DNAH17: variants seen among roughly 807,000 people sequenced by gnomAD.
The protein encoded by DNAH17 is axonemal beta dynein heavy chain 17.
In DNAH17, 376 loss-of-function variants were observed where a neutral mutation model predicts 485.6. That is an observed-to-expected ratio of 0.77 (90% CI 0.71 to 0.84). The LOEUF (loss-of-function observed/expected upper bound fraction) is 0.84, where lower values mean the gene tolerates loss of function less well. DNAH17 is among the 40% of genes least tolerant of loss of function. The pLI is 0.00. For missense variants in DNAH17, 6,370 were observed against 5,839.3 expected, an observed-to-expected ratio of 1.09 and a Z score of -2.96; for synonymous variants, 3,031 against 2,405.9, an observed-to-expected ratio of 1.26 and a Z score of -7.60.
intron 31 of DNAH17, among the ~76,000 whole-genome samples, chr17:78,503,640 C>T (rs1018895059): frequency 6.6e-6 from 1 of 151,984 alleles, no homozygotes; most frequent in Non-Finnish European, 1.5e-5. Flanking sequence ...GTGTGCACCA[C>T]CACACCCGGC....
intron 41 of DNAH17, 25 bp from the exon 42 acceptor site, chr17:78,492,790 G>T: frequency 6.2e-7 from 1 of 1,603,514 alleles, no homozygotes; most frequent in Non-Finnish European, 8.5e-7. Context: ...GGTCACTCAC[G>T]TGTGACTCCA....
intron 60 of DNAH17, 103 bp from the exon 61 acceptor site, chr17:78,459,311 G>C: frequency 1.8e-6 from 2 of 1,091,338 alleles, no homozygotes; most frequent in Non-Finnish European, 1.4e-6. Flanking sequence ...AGCTCTGGAG[G>C]GGCAGCGCTG....
intron 54 of DNAH17, among the ~76,000 whole-genome samples, chr17:78,469,220 C>G (rs970408089): frequency 6.6e-6 from 1 of 152,198 alleles, no homozygotes; most frequent in African/African-American, 2.4e-5. Flanking sequence ...CGGCTCACTG[C>G]AAGCTCCACC....
At chr17:78,527,090 A>G in intron 22 of DNAH17, 94 bp from the exon 23 acceptor site, 1 of 1,138,908 alleles carries the variant, frequency 8.8e-7, no homozygotes, top group Non-Finnish European at 1.2e-6. Flanking sequence ...GAAGCTGCAA[A>G]AACAGTGCAG....
At chr17:78,478,259 TTATCATCTC>T (rs2089175209) in intron 51 of DNAH17, among the ~76,000 whole-genome samples, 2 of 109,794 alleles carry the variant, frequency 1.8e-5, no homozygotes, top group African/African-American at 3.6e-5. Flanking sequence ...ACCATCACCA[TTATCATCTC>T]CACCACCATC....
Position 78,425,507 on chromosome 17 carries a change from T to C in DNAH17, c.12980A>G (p.Asn4327Ser). 1 of 1,613,738 alleles carries C rather than the reference T, an allele frequency of 6.2e-7. No homozygotes were observed. The highest frequency in any genetic ancestry group is 8.5e-7 in the Non-Finnish European group (1 of 1,179,882). ...GATGGCCGTGAGGAACGACTGGGGG[T>C]TGAAGAAGCCGGCCAGCCACACGGT... ...PTTVWLAGFF[N>S]PQSFLTAIMQ... The change falls in exon 80 of 81, where the codon AAC becomes AGC. Residue 4327 changes from asparagine to serine, a missense_variant. By Grantham distance (46) the Asn-to-Ser change is conservative. Transcript: ENST00000389840.
At chr17:78,531,135 A>G (rs550997829) in intron 20 of DNAH17, among the ~76,000 whole-genome samples, 1 of 152,136 alleles carries the variant, frequency 6.6e-6, no homozygotes, top group Non-Finnish European at 1.5e-5. Context: ...TGACGCTGAG[A>G]GCAGGGTGTT....
rs551681617 is a variant in DNAH17, at chr17:78,488,155, C to T, written c.6819-1649G>A. On this transcript the variant is annotated intron_variant, in intron 44 of 80. Transcript: ENST00000389840. Reference sequence around the variant, plus strand: ...TTGGTAGGAGTCACTGAGTGCGGGTCGGTGTGTGTGCTGTCTCTGATATGC... The same window carrying T: ...TTGGTAGGAGTCACTGAGTGCGGGTTGGTGTGTGTGCTGTCTCTGATATGC... 3.9e-5 allele frequency among the ~76,000 whole-genome samples: 6 copies of T among 152,256 alleles called. No homozygotes were observed. In the South Asian group the frequency reaches 8.3e-4, roughly 21 times the overall value.
chr17:78,510,346 T>C (rs1414604459), intron 27 of DNAH17, 38 bp downstream of exon 27: 1 of 1,603,992 alleles, frequency 6.2e-7, no homozygotes, highest in Admixed American at 1.7e-5. Flanking sequence ...TTCAGGCTGA[T>C]CCCACGTTGC....
At position 78,450,302 on chromosome 17, in the gene DNAH17, T is replaced by A; in HGVS notation, c.10992A>T (p.Ile3664=). The A allele has an allele frequency of 6.2e-7, 1 of 1,613,994 alleles. No individual in the cohort carries two copies. Among genetic ancestry groups the A allele is most frequent in the African/African-American group, 1.3e-5 (1 of 75,066 alleles). The change falls in exon 68 of 81, where the codon ATA becomes ATT. Residue 3664 remains isoleucine (I), a synonymous_variant. Coordinates refer to ENST00000389840, the MANE Select transcript of DNAH17 (RefSeq NM_173628.4). ...GGTTGATTTTGTTGAGATCGTTCAG[T>A]ATGAAGTAGAGCAGAGATGCCCTCT... ...AAERASLLYF[I]LNDLNKINPV...
intron 58 of DNAH17, among the ~76,000 whole-genome samples, chr17:78,461,226 T>C (rs1310445543): frequency 2.0e-5 from 3 of 152,058 alleles, no homozygotes; most frequent in Admixed American, 6.5e-5. Context: ...GCAGGCCCCA[T>C]TGAGCAGAGC....
chr17:78,424,325 T>C (rs2086301497), intron 80 of DNAH17, 172 bp from the exon 81 acceptor site: 18 of 760,556 alleles, frequency 2.4e-5, no homozygotes, highest in Non-Finnish European at 3.5e-5. Flanking sequence ...GGTGATGGCC[T>C]GCATGTTGTA....
chr17:78,492,161 C>A (rs1295338145), intron 42 of DNAH17, among the ~76,000 whole-genome samples: 4 of 152,148 alleles, frequency 2.6e-5, no homozygotes, highest in Non-Finnish European at 5.9e-5. Flanking sequence ...GCTGACTCCT[C>A]CTCAGCTCTC....
intron 12 of DNAH17, 46 bp from the exon 13 acceptor site, chr17:78,560,981 G>A: frequency 6.6e-7 from 1 of 1,513,866 alleles, no homozygotes; most frequent in South Asian, 1.2e-5. Context: ...TATCTCCTGT[G>A]GGGTGTCTTC....
intron 25 of DNAH17, among the ~76,000 whole-genome samples, chr17:78,520,105 CTGTT>C (rs2090897202): frequency 8.6e-6 from 1 of 115,986 alleles, no homozygotes; most frequent in African/African-American, 3.2e-5. Flanking sequence ...GAACGAAACT[CTGTT>C]TCAAGAAAAA....
In DNAH17 at chr17:78,425,564, T is replaced by A. The variant is rs373946815; in HGVS notation, c.12923A>T (p.Glu4308Val). 1.9e-6 allele frequency: 3 copies of A among 1,607,994 alleles called. No individual in the cohort carries two copies. The highest frequency in any genetic ancestry group is 2.5e-6 in the Non-Finnish European group (3 of 1,177,228). Residue 4308 changes from glutamate (E) to valine (V), a missense_variant, in exon 80 of 81, where the codon GAG becomes GTG. Glu to Val is a moderately radical substitution (Grantham distance 121, BLOSUM62 -2). Coordinates refer to ENST00000389840, the MANE Select transcript of DNAH17 (RefSeq NM_173628.4). ...CAGGGCAAAGTCTGTCGTCCAGGCC[T>A]CGAGTTCCTGCAAGGACACACGAGC... ...ADLLLRIREL[E>V]AWTTDFALPT...
At chr17:78,457,294 C>T (rs1006688969) in intron 62 of DNAH17, among the ~76,000 whole-genome samples, 2 of 151,934 alleles carry the variant, frequency 1.3e-5, no homozygotes, top group Admixed American at 6.6e-5. Context: ...CTACTTGAAC[C>T]CGGGAGATGG....
chr17:78,460,328 G>GTGTGTGCATGTGTGTGCA (rs1555659309), intron 58 of DNAH17, 71 bp from the exon 59 acceptor site: 7 of 788,916 alleles, frequency 8.9e-6, no homozygotes, highest in African/African-American at 4.2e-5. Flanking sequence ...GTACGTGCAT[G>GTGTGTGCATGTGTGTGCA]TGTGTGCATG....
chr17:78,481,755 C>T (rs1411553916), intron 48 of DNAH17, among the ~76,000 whole-genome samples: 1 of 152,190 alleles, frequency 6.6e-6, no homozygotes, highest in Non-Finnish European at 1.5e-5. Context: ...TGGCTCATGC[C>T]TGTAATCCTA....
Sources: allele counts gnomAD v4.1 joint callset (sites outside exome capture counted in the v4.1 genomes callset), GRCh38; gene constraint gnomAD v4.1.1; transcripts MANE v1.5; gene names NCBI Gene and HGNC (gene_info 2026-07-23, HGNC 2026-07-21).